Variants in PDE4B observed in about 807,000 individuals in gnomAD.
PDE4B encodes the protein 3',5'-cyclic-AMP phosphodiesterase 4B.
A neutral mutation model predicts 82.2 loss-of-function variants in PDE4B; 20 were observed. The ratio of observed to expected loss-of-function variants is 0.24; its 90% CI spans 0.17 to 0.35. The LOEUF (loss-of-function observed/expected upper bound fraction) is 0.35. Among genes scored for constraint, PDE4B ranks in the 10% least tolerant of loss-of-function variants. The pLI, the probability that PDE4B is intolerant of heterozygous loss-of-function variation, is 1.00. For synonymous variants in PDE4B, 320 were observed against 318.9 expected (o/e 1.00, Z -0.04); for missense variants, 655 against 907.2 (o/e 0.72, Z 3.57).
chr1:65,966,076 G>C lies in PDE4B; in HGVS notation c.281+47241G>C, dbSNP rs561214733. Among the ~76,000 whole-genome samples the C allele has an allele frequency of 2.6e-3, 402 of 152,130 alleles. 3 individuals are homozygous for C. The highest frequency in any genetic ancestry group is 8.9e-3 in the African/African-American group (369 of 41,522). The stretch of plus-strand genomic sequence containing the variant: ...AATCAGGCAAGAGAAAGAAATAAAG[G>C]GTATTCAAATAGGAAGAGAGGAAGT... On this transcript the variant is annotated intron_variant, in intron 3 of 16. Coordinates refer to ENST00000341517, the MANE Select transcript of PDE4B (RefSeq NM_002600.4).
At chr1:65,926,638 A>G (rs1647516329) in intron 3 of PDE4B, among the ~76,000 whole-genome samples, 3 of 152,186 alleles carry the variant, frequency 2.0e-5, no homozygotes, top group Admixed American at 6.5e-5. Context: ...TGAGTTTGCA[A>G]TAGTTTAAAC....
At chr1:66,029,216 AC>A (rs1330058482) in intron 3 of PDE4B, among the ~76,000 whole-genome samples, 1 of 152,138 alleles carries the variant, frequency 6.6e-6, no homozygotes, top group African/African-American at 2.4e-5. Context: ...AAAAGCAGAA[AC>A]CCTTAATAAA....
At chr1:65,873,757 T>A (rs1646602893) in intron 1 of PDE4B, among the ~76,000 whole-genome samples, 1 of 152,196 alleles carries the variant, frequency 6.6e-6, no homozygotes, top group African/African-American at 2.4e-5. Flanking sequence ...GAATTCTACA[T>A]ATATGTGTTA....
At chr1:65,795,337 G>A (rs1272528786) in intron 1 of PDE4B, among the ~76,000 whole-genome samples, 1 of 152,218 alleles carries the variant, frequency 6.6e-6, no homozygotes. Context: ...TTATTATCAT[G>A]TCATACAATT....
intron 3 of PDE4B, among the ~76,000 whole-genome samples, chr1:66,040,098 C>T (rs932941979): frequency 6.6e-6 from 1 of 151,952 alleles, no homozygotes; most frequent in African/African-American, 2.4e-5. Context: ...GATAGTTGCA[C>T]CATCTGAACA....
chr1:65,892,328 A>C (rs1240163037), intron 1 of PDE4B, among the ~76,000 whole-genome samples: 1 of 152,028 alleles, frequency 6.6e-6, no homozygotes. Flanking sequence ...AAGAGCACAC[A>C]ACTTAAATAT....
chr1:65,848,046 T>C (rs553403246), intron 1 of PDE4B, among the ~76,000 whole-genome samples: 168 of 152,286 alleles, frequency 1.1e-3, no homozygotes, highest in African/African-American at 3.2e-3. Flanking sequence ...GGGGAGTTAA[T>C]GTATTGATTA....
chr1:65,940,426 T>C (rs1648383929), intron 3 of PDE4B, among the ~76,000 whole-genome samples: 1 of 152,162 alleles, frequency 6.6e-6, no homozygotes, highest in Non-Finnish European at 1.5e-5. Context: ...GAAGCCATTG[T>C]ACAGTTTTAA....
At chr1:65,919,123 T>C (rs1423654261) in intron 3 of PDE4B, among the ~76,000 whole-genome samples, 1 of 152,164 alleles carries the variant, frequency 6.6e-6, no homozygotes, top group Non-Finnish European at 1.5e-5. Flanking sequence ...ATGATCTAAC[T>C]TTTTTAAAAA....
chr1:65,948,825 T>G (rs1185494322), intron 3 of PDE4B, among the ~76,000 whole-genome samples: 1 of 152,064 alleles, frequency 6.6e-6, no homozygotes, highest in Non-Finnish European at 1.5e-5. Context: ...TGTTTTTCAG[T>G]TGATGTGTTT....
intron 7 of PDE4B, among the ~76,000 whole-genome samples, chr1:66,298,151 C>T (rs1657639479): frequency 1.3e-5 from 2 of 152,144 alleles, no homozygotes; most frequent in Non-Finnish European, 2.9e-5. Flanking sequence ...GAACAATATA[C>T]TTTTGTTCTC....
At chr1:65,860,478 G>C (rs907321245) in intron 1 of PDE4B, among the ~76,000 whole-genome samples, 25 of 152,188 alleles carry the variant, frequency 1.6e-4, no homozygotes, top group African/African-American at 5.8e-4. Flanking sequence ...CGAAGTCTTT[G>C]CTATTGTGAA....
chr1:66,242,256 T>C (rs1652948072), intron 3 of PDE4B, among the ~76,000 whole-genome samples: 1 of 152,162 alleles, frequency 6.6e-6, no homozygotes, highest in Non-Finnish European at 1.5e-5. Flanking sequence ...CTCCATTTTC[T>C]CTTCTTTGAA....
intron 3 of PDE4B, among the ~76,000 whole-genome samples, chr1:66,022,370 TC>T (rs1373226915): frequency 4.6e-5 from 7 of 152,220 alleles, no homozygotes; most frequent in Non-Finnish European, 8.8e-5. Flanking sequence ...AGAGAGGGCA[TC>T]CCTGTCTTGT....
At chr1:66,295,262 G>A (rs1657420998) in intron 7 of PDE4B, among the ~76,000 whole-genome samples, 1 of 152,108 alleles carries the variant, frequency 6.6e-6, no homozygotes, top group African/African-American at 2.4e-5. Context: ...GGGCAGACTA[G>A]ATTAGTGGCT....
intron 1 of PDE4B, among the ~76,000 whole-genome samples, chr1:65,879,170 G>A (rs1449681212): frequency 1.3e-5 from 2 of 152,066 alleles, no homozygotes; most frequent in East Asian, 3.9e-4. Context: ...GGGTGCCTGA[G>A]ATATGCAGTA....
chr1:66,188,261 G>T (rs1381451428), intron 3 of PDE4B, among the ~76,000 whole-genome samples: 1 of 151,672 alleles, frequency 6.6e-6, no homozygotes, highest in African/African-American at 2.4e-5. Context: ...CCAACTATGT[G>T]GTCAATTTTG....
At chr1:66,247,188 G>A (rs1653382682) in intron 3 of PDE4B, among the ~76,000 whole-genome samples, 1 of 152,178 alleles carries the variant, frequency 6.6e-6, no homozygotes, top group South Asian at 2.1e-4. Context: ...CATGGAGTTT[G>A]CTCCTGGGTT....
In PDE4B at chr1:65,873,907, T is replaced by C. The variant is rs557574433; in HGVS notation, c.-70-39338T>C. 2.6e-5 allele frequency among the ~76,000 whole-genome samples: 4 copies of C among 152,110 alleles called. No individual in the cohort carries two copies. In the East Asian group the frequency reaches 7.7e-4, roughly 29 times the overall value. ...ATTGACTTGGTGATGCGGGCTCTTT[T>C]TTGGTTCCATATGAACTTTAAAGTA... On this transcript the variant is annotated intron_variant, in intron 1 of 16. Coordinates refer to ENST00000341517, the MANE Select transcript of PDE4B (RefSeq NM_002600.4).
Sources: allele counts gnomAD v4.1 joint callset (sites outside exome capture counted in the v4.1 genomes callset), GRCh38; gene constraint gnomAD v4.1.1; transcripts MANE v1.5; gene names NCBI Gene and HGNC (gene_info 2026-07-23, HGNC 2026-07-21).